The following VPS13B variants were observed in gnomAD, a reference collection of about 807,000 sequenced individuals.
VPS13B encodes the protein vacuolar protein sorting 13 homolog B, also known as intermembrane lipid transfer protein VPS13B.
VPS13B carries 285 observed loss-of-function variants against 426.4 expected under a neutral mutation model. That is an observed-to-expected ratio of 0.67 (90% CI 0.61 to 0.74). The LOEUF is 0.74. VPS13B is among the 30% of genes least tolerant of loss of function. The pLI is 0.00. For missense variants in VPS13B, 4,537 were observed against 4,782.6 expected, an observed-to-expected ratio of 0.95 and a Z score of 1.51; for synonymous variants, 1,676 against 1,676.4, an observed-to-expected ratio of 1.00 and a Z score of 0.01.
intron 34 of VPS13B, among the ~76,000 whole-genome samples, chr8:99,659,124 GT>G: frequency 6.6e-6 from 1 of 151,952 alleles, no homozygotes; most frequent in Non-Finnish European, 1.5e-5. Context: ...CCCGTTGTCA[GT>G]TTTTTTAGTC....
At chr8:99,297,749 A>G (rs1820124196) in intron 19 of VPS13B, among the ~76,000 whole-genome samples, 1 of 152,216 alleles carries the variant, frequency 6.6e-6, no homozygotes, top group African/African-American at 2.4e-5. Context: ...AGAATTGTAC[A>G]CGTATGATTT....
chr8:99,361,324 AT>A (rs1195113277), intron 19 of VPS13B, among the ~76,000 whole-genome samples: 1 of 152,150 alleles, frequency 6.6e-6, no homozygotes, highest in Non-Finnish European at 1.5e-5. Context: ...GAGTTAGCAA[AT>A]TTTTAATAAA....
At chr8:99,066,303 T>G (rs539364960) in intron 3 of VPS13B, among the ~76,000 whole-genome samples, 24 of 152,066 alleles carry the variant, frequency 1.6e-4, no homozygotes, top group Non-Finnish European at 3.1e-4. Flanking sequence ...CCAAAACAGA[T>G]ATATAGACCA....
intron 17 of VPS13B, among the ~76,000 whole-genome samples, chr8:99,216,678 A>G (rs1217411082): frequency 6.6e-6 from 1 of 151,664 alleles, no homozygotes; most frequent in Non-Finnish European, 1.5e-5. Context: ...GGATACTTAC[A>G]TGTGGCTAAT....
intron 17 of VPS13B, among the ~76,000 whole-genome samples, chr8:99,224,656 G>A (rs1046951922): frequency 6.6e-6 from 1 of 152,112 alleles, no homozygotes; most frequent in Non-Finnish European, 1.5e-5. Flanking sequence ...AATCATAAAA[G>A]TAAAAAGATA....
At chr8:99,742,621 T>C (rs1809805796) in intron 39 of VPS13B, among the ~76,000 whole-genome samples, 2 of 152,108 alleles carry the variant, frequency 1.3e-5, no homozygotes, top group Non-Finnish European at 1.5e-5. Context: ...AAAAAGCTTA[T>C]CCACCATGAT....
At chr8:99,622,627 T>G (rs1828411611) in intron 33 of VPS13B, among the ~76,000 whole-genome samples, 1 of 152,216 alleles carries the variant, frequency 6.6e-6, no homozygotes, top group South Asian at 2.1e-4. Context: ...AACTGAAATT[T>G]TATTGCAAAG....
At chr8:99,805,067 A>AATATAT (rs142498493) in intron 43 of VPS13B, among the ~76,000 whole-genome samples, 26 of 147,798 alleles carry the variant, frequency 1.8e-4, no homozygotes, top group Non-Finnish European at 2.2e-4. Context: ...ATATTACCAG[A>AATATAT]ATATATATAT....
chr8:99,636,665 A>T (rs1408757671), intron 33 of VPS13B, among the ~76,000 whole-genome samples: 3 of 152,008 alleles, frequency 2.0e-5, no homozygotes, highest in Non-Finnish European at 4.4e-5. Flanking sequence ...TTTTGTTTTT[A>T]GCCTTTGATG....
chr8:99,620,986 CAAAA>C lies in VPS13B; in HGVS notation c.5221-20804_5221-20801del, dbSNP rs397892235. The stretch of plus-strand genomic sequence containing the variant: ...GGGCATCAAAAGCAAAACTCCATCT[CAAAA>C]AAAAAAAAAAAAAAAAAAAAGTGCC... On this transcript the variant is annotated intron_variant, in intron 33 of 61. Transcript: ENST00000357162. 6.8e-3 allele frequency among the ~76,000 whole-genome samples: 346 copies of C among 50,824 alleles called. 2 individuals carry two copies. The highest frequency in any genetic ancestry group is 0.023 in the Middle Eastern group (2 of 88). The allele number at this position is 50,824 out of a possible 152,430, so 33.3% of individuals were successfully genotyped here.
chr8:99,464,593 G>C (rs570526755), intron 23 of VPS13B, among the ~76,000 whole-genome samples: 16 of 152,126 alleles, frequency 1.1e-4, no homozygotes, highest in African/African-American at 3.6e-4. Context: ...ATAATCTTTT[G>C]ATTATAGCAT....
In VPS13B at chr8:99,739,752, GCTGAGGGTC is replaced by G. The variant is rs1173078617; in HGVS notation, c.7050+18710_7050+18718del. On this transcript the variant is annotated intron_variant, in intron 39 of 61. Transcript: ENST00000357162. Reference sequence around the variant, plus strand: ...TCCAGCAAACTCCAACAGACCTGCAGCTGAGGGTCCTGACTGTTAGAAGGAAAACTAACA... The same window carrying G: ...TCCAGCAAACTCCAACAGACCTGCAGCTGACTGTTAGAAGGAAAACTAACA... 2.0e-5 allele frequency among the ~76,000 whole-genome samples: 3 copies of G among 152,196 alleles called. No homozygotes were observed. The East Asian group carries it at 5.8e-4, about 29-fold the overall frequency.
chr8:99,737,594 TATTA>T (rs1326740250), intron 39 of VPS13B, among the ~76,000 whole-genome samples: 4 of 152,226 alleles, frequency 2.6e-5, no homozygotes, highest in African/African-American at 9.6e-5. Flanking sequence ...TTACCTGTAC[TATTA>T]GTTAATGGAG....
At chr8:99,507,988 G>A in intron 28 of VPS13B, 7 of 1,595,520 alleles carry the variant, frequency 4.4e-6, no homozygotes, top group Non-Finnish European at 6.0e-6. Context: ...GATTCATAGA[G>A]TCAACTCTTG....
intron 17 of VPS13B, among the ~76,000 whole-genome samples, chr8:99,258,412 C>T (rs1276789203): frequency 6.6e-6 from 1 of 151,820 alleles, no homozygotes; most frequent in East Asian, 1.9e-4. Context: ...AATATTGCAT[C>T]ACTTTGTTAT....
intron 52 of VPS13B, 111 bp from the exon 53 acceptor site, chr8:99,835,086 C>A (rs146413033): frequency 1.5e-6 from 2 of 1,350,886 alleles, no homozygotes; most frequent in East Asian, 4.6e-5. Flanking sequence ...AGTTATAAAA[C>A]AGATATTTTC....
chr8:99,419,822 CAATT>C (rs1290690498), intron 21 of VPS13B, among the ~76,000 whole-genome samples: 1 of 152,076 alleles, frequency 6.6e-6, no homozygotes, highest in African/African-American at 2.4e-5. Context: ...TAAAAGATAT[CAATT>C]GATTGTTTGA....
chr8:99,355,245 G>A (rs142072813), intron 19 of VPS13B, among the ~76,000 whole-genome samples: 155 of 152,146 alleles, frequency 1.0e-3, no homozygotes, highest in African/African-American at 3.4e-3. Context: ...CCCTATTAAA[G>A]CCCCCTCTTT....
intron 55 of VPS13B, among the ~76,000 whole-genome samples, chr8:99,850,566 A>G (rs1328833403): frequency 1.3e-5 from 2 of 152,122 alleles, no homozygotes; most frequent in Non-Finnish European, 2.9e-5. Flanking sequence ...TGATCAGAAA[A>G]AATAACTTAA....
Sources: gnomAD v4.1 joint callset for allele counts (sites outside exome capture counted in the v4.1 genomes callset) on GRCh38, gnomAD v4.1.1 for gene constraint, MANE v1.5 for transcripts, NCBI Gene and HGNC (gene_info 2026-07-23, HGNC 2026-07-21) for gene names.